The following TRAP1 variants were observed in gnomAD, a reference collection of about 807,000 sequenced individuals.
TRAP1 encodes TNF receptor associated protein 1.
In TRAP1, 102 loss-of-function variants were observed where a neutral mutation model predicts 89.1. The observed-to-expected ratio is 1.15, with a 90% CI of 0.98 to 1.35. TRAP1 has a LOEUF of 1.35. Ranked by LOEUF, TRAP1 falls within the 40% of genes most tolerant of loss-of-function variation. The probability of loss-of-function intolerance (pLI) is 0.00; values close to 1 mark genes in which losing one functional copy is unlikely to be tolerated. For synonymous variants in TRAP1, 508 were observed against 388.0 expected (o/e 1.31, Z -3.64); for missense variants, 1,256 against 945.3 (o/e 1.33, Z -4.31).
chr16:3,676,320 G>T (rs1478303809), intron 6 of TRAP1, 175 bp from the exon 7 acceptor site: 1 of 310,582 alleles, frequency 3.2e-6, no homozygotes, highest in Non-Finnish European at 5.8e-6. Flanking sequence ...TGCCCATCAG[G>T]AACGATGAGC....
intron 5 of TRAP1, among the ~76,000 whole-genome samples, chr16:3,679,239 A>G (rs1258387621): frequency 7.9e-5 from 12 of 152,116 alleles, no homozygotes; most frequent in Non-Finnish European, 1.6e-4. Flanking sequence ...GCAGTGAGCC[A>G]ATACAGTTGG....
At chr16:3,664,615 G>C (rs2151243822) in intron 12 of TRAP1, 156 bp from the exon 13 acceptor site, 2 of 763,854 alleles carry the variant, frequency 2.6e-6, no homozygotes, top group Non-Finnish European at 4.0e-6. Flanking sequence ...TTGTCCGAGA[G>C]CAGGCCTTGC....
intron 5 of TRAP1, among the ~76,000 whole-genome samples, chr16:3,679,104 A>C (rs1375269907): frequency 6.6e-6 from 1 of 152,094 alleles, no homozygotes; most frequent in Admixed American, 6.6e-5. Context: ...AGCCCGGCCA[A>C]CATGGTGAAA....
At chr16:3,672,487 A>G (rs2050926869) in intron 10 of TRAP1, among the ~76,000 whole-genome samples, 1 of 152,168 alleles carries the variant, frequency 6.6e-6, no homozygotes, top group Non-Finnish European at 1.5e-5. Context: ...CTCAATCTGA[A>G]CACCCCAGTG....
chr16:3,689,067 G>GT lies in TRAP1; in HGVS notation c.317dup (p.Tyr106Ter). 6.2e-7 allele frequency: 1 copy of GT among 1,613,624 alleles called. No individual in the cohort carries two copies. Among genetic ancestry groups the GT allele is most frequent in the Non-Finnish European group, 8.5e-7 (1 of 1,179,804 alleles). ...GCAGGGAACGCACCTCTTTTTCTGA[G>GT]TACAGGGACCGGGCAACAATGTCCA... ...KLLDIVARSLYSEKEVFIREL... is the reference protein window; with the variant it reads ...KLLDIVARSL The change falls in exon 3 of 18, where the codon TAC becomes TAAC. Residue 106 changes from tyrosine (Y) to a stop codon, truncating the protein, a stop_gained and frameshift_variant. Coordinates refer to ENST00000246957, the MANE Select transcript of TRAP1 (RefSeq NM_016292.3). LOFTEE classifies it high-confidence loss of function.
intron 4 of TRAP1, among the ~76,000 whole-genome samples, chr16:3,682,993 ACT>A (rs1427169283): frequency 6.7e-6 from 1 of 148,662 alleles, no homozygotes; most frequent in African/African-American, 2.5e-5. Flanking sequence ...ACATGGAGAA[ACT>A]CTGTCTCTAT....
At chr16:3,700,590 C>A (rs892591100) in intron 1 of TRAP1, among the ~76,000 whole-genome samples, 1 of 152,084 alleles carries the variant, frequency 6.6e-6, no homozygotes, top group Non-Finnish European at 1.5e-5. Flanking sequence ...CTCAGCCGCC[C>A]GAGTAGCTGG....
At chr16:3,681,259 C>T (rs955123564) in intron 4 of TRAP1, among the ~76,000 whole-genome samples, 2 of 152,194 alleles carry the variant, frequency 1.3e-5, no homozygotes, top group Non-Finnish European at 2.9e-5. Context: ...AAGACTTCCT[C>T]TCCAGGACAG....
At chr16:3,666,413 C>G (rs879394667) in intron 11 of TRAP1, among the ~76,000 whole-genome samples, 3 of 152,098 alleles carry the variant, frequency 2.0e-5, no homozygotes, top group African/African-American at 7.2e-5. Flanking sequence ...GCCAGTTGTT[C>G]CAATTATAGG....
intron 1 of TRAP1, among the ~76,000 whole-genome samples, chr16:3,700,622 C>T (rs112767262): frequency 0.17 from 26,528 of 151,824 alleles, 2,592 homozygotes; most frequent in South Asian, 0.28. Flanking sequence ...CACATCACCA[C>T]GCCAGGCTAA....
At chr16:3,715,210 G>GGGC (rs1472237572) in intron 1 of TRAP1, among the ~76,000 whole-genome samples, 7 of 152,152 alleles carry the variant, frequency 4.6e-5, no homozygotes, top group Non-Finnish European at 8.8e-5. Context: ...AGGCCGAAGT[G>GGGC]GGCGGATCAC....
In TRAP1 at chr16:3,663,516, AG is replaced by A. The variant is rs762922223; in HGVS notation, c.1615del (p.Leu539PhefsTer9). The A allele has an allele frequency of 2.5e-6, 4 of 1,614,088 alleles. No homozygotes were observed. Among genetic ancestry groups the A allele is most frequent in the Admixed American group, 1.7e-5 (1 of 60,016 alleles). ...EQFDELTLLH[L>X]REFDKKKLIS... ...CAGCTTCTTCTTGTCAAACTCACGAAGGTGCAGCAGGGTGAGCTCATCAAAC... is the reference window on the plus strand; with the variant it reads ...CAGCTTCTTCTTGTCAAACTCACGAAGTGCAGCAGGGTGAGCTCATCAAAC... On this transcript the variant is annotated frameshift_variant, in exon 14 of 18. Transcript: ENST00000246957. LOFTEE classifies it high-confidence loss of function.
At chr16:3,658,705 T>TTAGAGGA in intron 17 of TRAP1, 88 bp downstream of exon 17, 2 of 1,267,152 alleles carry the variant, frequency 1.6e-6, no homozygotes, top group Non-Finnish European at 2.2e-6. Context: ...AGACAGGATT[T>TTAGAGGA]TAGAGGAAAC....
intron 1 of TRAP1, among the ~76,000 whole-genome samples, chr16:3,695,403 G>A (rs1041009639): frequency 5.9e-5 from 9 of 152,088 alleles, no homozygotes; most frequent in African/African-American, 2.2e-4. Context: ...CAGACGTGGT[G>A]GCGCACTTCT....
At chr16:3,691,166 G>A in intron 1 of TRAP1, 181 bp from the exon 2 acceptor site, 1 of 495,506 alleles carries the variant, frequency 2.0e-6, no homozygotes, top group Non-Finnish European at 3.4e-6. Context: ...TTGGCAAGGA[G>A]CCCTCACAGA....
intron 6 of TRAP1, 42 bp downstream of exon 6, chr16:3,677,456 G>A (rs1170158317): frequency 6.2e-7 from 1 of 1,613,476 alleles, no homozygotes; most frequent in East Asian, 2.2e-5. Context: ...AAGGGCTCCA[G>A]CTCAGCTTTG....
Position 3,702,102 on chromosome 16 carries a change from G to A in TRAP1, c.89-11117C>T, listed in dbSNP as rs12919422. ...GTGCACCTGTAATCCCAGCCTGGGCGACACAGTGAGACTCCATCTCGGGCG... is the reference window on the plus strand; with the variant it reads ...GTGCACCTGTAATCCCAGCCTGGGCAACACAGTGAGACTCCATCTCGGGCG... On this transcript the variant is annotated intron_variant, in intron 1 of 17. Transcript: ENST00000246957. Among the ~76,000 whole-genome samples the A allele has an allele frequency of 8.9e-3, 1,352 of 152,072 alleles. 20 individuals carry two copies. The highest frequency in any genetic ancestry group is 0.011 in the Non-Finnish European group (734 of 67,990).
chr16:3,700,851 A>G (rs1460876020), intron 1 of TRAP1, among the ~76,000 whole-genome samples: 2 of 152,302 alleles, frequency 1.3e-5, no homozygotes, highest in South Asian at 2.1e-4. Flanking sequence ...ATAAACCACA[A>G]TGGAAATCTC....
chr16:3,693,920 G>A (rs1053160448), intron 1 of TRAP1, among the ~76,000 whole-genome samples: 1 of 151,446 alleles, frequency 6.6e-6, no homozygotes, highest in Non-Finnish European at 1.5e-5. Context: ...TTGAGCCCAG[G>A]ATGTTGAGGC....
Sources: gnomAD v4.1 joint callset for allele counts (sites outside exome capture counted in the v4.1 genomes callset) on GRCh38, gnomAD v4.1.1 for gene constraint, MANE v1.5 for transcripts, NCBI Gene and HGNC (gene_info 2026-07-23, HGNC 2026-07-21) for gene names.